The following TEF variants were observed in gnomAD, a reference collection of about 807,000 sequenced individuals.
The protein encoded by TEF is thyrotroph embryonic factor.
In TEF, 3 loss-of-function variants were observed where a neutral mutation model predicts 20.8. The observed-to-expected ratio is 0.14, with a 90% CI of 0.07 to 0.37. The LOEUF is 0.37. TEF is among the 10% of genes least tolerant of loss of function. The pLI is 1.00. For missense variants in TEF, 296 were observed against 397.9 expected, an observed-to-expected ratio of 0.74 and a Z score of 2.18; for synonymous variants, 180 against 171.1, an observed-to-expected ratio of 1.05 and a Z score of -0.41.
At chr22:41,393,751 C>T (rs530705405) in intron 2 of TEF, among the ~76,000 whole-genome samples, 80 of 131,716 alleles carry the variant, frequency 6.1e-4, no homozygotes, top group African/African-American at 2.2e-3. Flanking sequence ...CCAGCCTGGG[C>T]GACAGAGCAA....
chr22:41,391,922 A>G (rs887537499), intron 2 of TEF, among the ~76,000 whole-genome samples: 59 of 151,810 alleles, frequency 3.9e-4, no homozygotes, highest in African/African-American at 1.4e-3. Flanking sequence ...CGCCTGGCCC[A>G]TCTGACATTT....
chr22:41,395,315 T>G (rs750692318), intron 3 of TEF, among the ~76,000 whole-genome samples: 7 of 152,114 alleles, frequency 4.6e-5, no homozygotes, highest in Non-Finnish European at 8.8e-5. Context: ...CTGTTATTTC[T>G]CAGTGTAAAG....
chr22:41,382,393 A>G (rs1245194292), intron 1 of TEF, among the ~76,000 whole-genome samples, 192 bp downstream of exon 1: 5 of 151,492 alleles, frequency 3.3e-5, no homozygotes, highest in Admixed American at 1.3e-4. Context: ...GCGGGCTGAG[A>G]CGGTGGGTCT....
chr22:41,383,434 A>G (rs1273042719), intron 1 of TEF, among the ~76,000 whole-genome samples: 2 of 152,196 alleles, frequency 1.3e-5, no homozygotes, highest in Non-Finnish European at 2.9e-5. Flanking sequence ...TTACCAGGTA[A>G]TAACCATCCA....
At chr22:41,390,167 A>G (rs964667767) in intron 2 of TEF, among the ~76,000 whole-genome samples, 9 of 152,096 alleles carry the variant, frequency 5.9e-5, no homozygotes, top group African/African-American at 2.2e-4. Context: ...TGGGATTACA[A>G]GTGTGAGCCA....
chr22:41,383,131 G>A (rs1055154180), intron 1 of TEF: 1 of 444,912 alleles, frequency 2.2e-6, no homozygotes, highest in Non-Finnish European at 4.7e-6. Context: ...TCAGGGTTTG[G>A]GAAAGGGATA....
At chr22:41,367,672 A>T in intron 1 of TEF, 1 of 1,457,258 alleles carries the variant, frequency 6.9e-7, no homozygotes, top group Non-Finnish European at 9.3e-7. Context: ...CCACAGGCAC[A>T]GTGGCAGGAC....
At chr22:41,381,079 C>T (rs773961975), upstream of TEF, among the ~76,000 whole-genome samples, 24 of 152,210 alleles carry the variant, frequency 1.6e-4, no homozygotes, top group Non-Finnish European at 2.9e-4. Context: ...CAGGAATGCT[C>T]CCTCCACGCT....
intron 1 of TEF, among the ~76,000 whole-genome samples, chr22:41,383,962 T>C (rs910039573): frequency 6.6e-6 from 1 of 152,186 alleles, no homozygotes; most frequent in African/African-American, 2.4e-5. Flanking sequence ...CTTTCTTACT[T>C]CTCAGTTGGT....
At chr22:41,387,772 G>C in intron 2 of TEF, 104 bp downstream of exon 2, 1 of 1,209,402 alleles carries the variant, frequency 8.3e-7, no homozygotes, top group Non-Finnish European at 1.2e-6. Context: ...CCTTCTCTGA[G>C]GGGAGGTCCT....
chr22:41,384,768 T>C (rs1415695492), intron 1 of TEF, among the ~76,000 whole-genome samples: 1 of 152,150 alleles, frequency 6.6e-6, no homozygotes, highest in African/African-American at 2.4e-5. Flanking sequence ...TTTTTTTCTT[T>C]CGAGACAGAC....
chr22:41,381,849 A>C, upstream of TEF: 9 of 1,204,796 alleles, frequency 7.5e-6, no homozygotes, highest in Non-Finnish European at 7.2e-6. Context: ...GATCCGGGGA[A>C]GCTGGCCTGG....
rs775503966 is a variant in TEF, at chr22:41,382,200, C to G, written c.156C>G (p.Leu52=). The stretch of plus-strand genomic sequence containing the variant: ...AGAACCCCCCGCGCGAGGCGCGCCT[C>G]GGTGAGGGCGGGGGGGTGGTCCGCG... ...LMENPPREAR[L]DKEKGKEKLE... Residue 52 remains leucine, a splice_region_variant and synonymous_variant, in exon 1 of 4, where the codon CTC becomes CTG. Transcript: ENST00000266304. 1.0e-6 allele frequency: 1 copy of G among 953,956 alleles called. No individual in the cohort carries two copies. Among genetic ancestry groups the G allele is most frequent in the Non-Finnish European group, 1.2e-6 (1 of 822,734 alleles). The allele number at this position is 953,956 out of a possible 1,614,324, so 59.1% of individuals were successfully genotyped here.
rs999599392 is a variant in TEF, at chr22:41,371,947, G to C, written c.67+4348G>C. 5.3e-5 allele frequency among the ~76,000 whole-genome samples: 8 copies of C among 152,176 alleles called. No homozygotes were observed. In the East Asian group the frequency reaches 1.3e-3, roughly 26 times the overall value. On this transcript the variant is annotated intron_variant, in intron 1 of 3. Coordinates refer to the TEF transcript ENST00000406644. ...TGGTGGACTGAGGGAAATGAGCCGA[G>C]AGTGTGGACTCGGTGCAGCCTGGGC...
intron 1 of TEF, among the ~76,000 whole-genome samples, chr22:41,383,699 T>C (rs140926811): frequency 6.6e-6 from 1 of 152,344 alleles, no homozygotes; most frequent in Non-Finnish European, 1.5e-5. Context: ...TCTCTTACAA[T>C]TTAAAATTCC....
rs533057713 is a variant in TEF, at chr22:41,398,949, A to C, written c.*2989A>C. 15 of 152,764 alleles carry C rather than the reference A, an allele frequency of 9.8e-5. No homozygotes were observed. The highest frequency in any genetic ancestry group is 3.4e-4 in the African/African-American group (14 of 41,580). The allele number at this position is 152,764 out of a possible 1,614,324, so 9.5% of individuals were successfully genotyped here. A position where few individuals can be genotyped will look rare whatever the true frequency, so the allele number is the denominator to read the frequency against. On this transcript the variant is annotated 3_prime_UTR_variant, in exon 4 of 4. Transcript: ENST00000266304. ...GAGCTCCTTTAACATCTGCTAATTA[A>C]GTGCAATAAATTTTTCTAGAAAATG...
At chr22:41,383,955 TCTTA>T (rs1474444023) in intron 1 of TEF, among the ~76,000 whole-genome samples, 15 of 152,220 alleles carry the variant, frequency 9.9e-5, no homozygotes, top group Admixed American at 7.2e-4. Flanking sequence ...GGCTTGACTT[TCTTA>T]CTTCTCAGTT....
intron 1 of TEF, chr22:41,369,942 C>T: frequency 9.1e-6 from 9 of 985,394 alleles, no homozygotes; most frequent in Non-Finnish European, 1.1e-5. Context: ...CTTCTTTCTC[C>T]TGCCCAATGG....
rs570044602 is a variant in TEF at position 41,395,606 on chromosome 22, T to G, written c.697-139T>G. The stretch of plus-strand genomic sequence containing the variant: ...GCAGTGCCCTCAATGTGCCCTGGTT[T>G]GTGCTGCTCCCTCCCTGGTATCCCT... On this transcript the variant is annotated intron_variant, in intron 3 of 3. Coordinates refer to ENST00000266304, the MANE Select transcript of TEF (RefSeq NM_003216.4). The G allele has an allele frequency of 1.9e-3, 1,540 of 803,266 alleles. 9 individuals carry two copies. The highest frequency in any genetic ancestry group is 2.9e-3 in the Non-Finnish European group (1,470 of 498,622). 49.8% of individuals were successfully genotyped at this position (803,266 alleles called of 1,614,324 possible). A position where few individuals can be genotyped will look rare whatever the true frequency, so the allele number is the denominator to read the frequency against.
Sources: allele counts gnomAD v4.1 joint callset (sites outside exome capture counted in the v4.1 genomes callset), GRCh38; gene constraint gnomAD v4.1.1; transcripts MANE v1.5; gene names NCBI Gene and HGNC (gene_info 2026-07-23, HGNC 2026-07-21).